RBFOX1: variants seen among roughly 807,000 people sequenced by gnomAD.
RBFOX1 encodes RNA binding protein fox-1 homolog 1.
Under a neutral mutation model 57.7 loss-of-function variants are expected in RBFOX1, and 8 were observed. That is an observed-to-expected ratio of 0.14 (90% CI 0.08 to 0.25). The LOEUF is 0.25. Among genes scored for constraint, RBFOX1 ranks in the 10% least tolerant of loss-of-function variants. The probability of loss-of-function intolerance (pLI) is 1.00; values close to 1 mark genes in which losing one functional copy is unlikely to be tolerated. For synonymous variants in RBFOX1, 326 were observed against 222.4 expected (o/e 1.47, Z -4.15); for missense variants, 611 against 548.5 (o/e 1.11, Z -1.14).
At chr16:5,873,276 C>A (rs2057522871) in intron 4 of RBFOX1, among the ~76,000 whole-genome samples, 1 of 152,190 alleles carries the variant, frequency 6.6e-6, no homozygotes, top group Non-Finnish European at 1.5e-5. Context: ...ATGGCTGTAT[C>A]CTGCCCTAAC....
chr16:7,288,490 A>T (rs1391380932), intron 4 of RBFOX1, among the ~76,000 whole-genome samples: 1 of 152,216 alleles, frequency 6.6e-6, no homozygotes, highest in East Asian at 1.9e-4. Flanking sequence ...TAAGATAATG[A>T]ATGTAAAACC....
At chr16:6,921,643 A>AT (rs1485522876) in intron 3 of RBFOX1, among the ~76,000 whole-genome samples, 2,265 of 34,422 alleles carry the variant, frequency 0.066, 60 homozygotes, top group African/African-American at 0.18. Context: ...ATATATATAT[A>AT]TATTTTTTTT....
intron 3 of RBFOX1, among the ~76,000 whole-genome samples, chr16:6,987,952 A>G (rs1488270727): frequency 2.0e-5 from 3 of 152,052 alleles, no homozygotes; most frequent in African/African-American, 7.2e-5. Flanking sequence ...TGAGTTTACT[A>G]AGTGCCAGCT....
intron 1 of RBFOX1, among the ~76,000 whole-genome samples, chr16:6,200,936 C>G (rs1032299296): frequency 4.6e-5 from 4 of 87,846 alleles, no homozygotes; most frequent in Non-Finnish European, 9.2e-5. Flanking sequence ...TCGGTGTTAA[C>G]TTAGTGAGGT....
chr16:5,981,353 T>C (rs1276569966), intron 4 of RBFOX1, among the ~76,000 whole-genome samples: 2 of 152,214 alleles, frequency 1.3e-5, no homozygotes, highest in East Asian at 1.9e-4. Flanking sequence ...TCTGGGGTGA[T>C]GCTCTGGAAT....
At chr16:7,001,450 A>ATATGTATATGTG (rs2092796466) in intron 3 of RBFOX1, among the ~76,000 whole-genome samples, 5 of 144,176 alleles carry the variant, frequency 3.5e-5, no homozygotes, top group African/African-American at 1.1e-4. Context: ...ATGTATATGT[A>ATATGTATATGTG]TATGTATACG....
At chr16:7,295,127 G>T (rs2095864842) in intron 4 of RBFOX1, among the ~76,000 whole-genome samples, 1 of 152,204 alleles carries the variant, frequency 6.6e-6, no homozygotes, top group Admixed American at 6.5e-5. Context: ...AGTTGGTGAA[G>T]ATTTTAGTTG....
In RBFOX1 at chr16:5,500,216, C is replaced by CGTTCT. The variant is rs1567166498; in HGVS notation, c.258+32966_258+32967insTGTTC. 5.8e-3 allele frequency among the ~76,000 whole-genome samples: 839 copies of CGTTCT among 145,524 alleles called. 10 individuals are homozygous for CGTTCT. The highest frequency in any genetic ancestry group is 0.02 in the African/African-American group (785 of 40,248). Reference sequence around the variant, plus strand: ...CCCTTCATTCCATTCCATTGCATTCCGTTCCGTTCCGTTCCATTCCATTCC... The same window carrying CGTTCT: ...CCCTTCATTCCATTCCATTGCATTCCGTTCTGTTCCGTTCCGTTCCATTCCATTCC... On this transcript the variant is annotated intron_variant, in intron 2 of 2. Transcript: ENST00000585867.
intron 3 of RBFOX1, among the ~76,000 whole-genome samples, chr16:6,939,766 C>T (rs2078031620): frequency 1.3e-5 from 2 of 152,016 alleles, no homozygotes; most frequent in African/African-American, 4.8e-5. Flanking sequence ...CCTGCCTTGG[C>T]CTACCATAGT....
At chr16:7,560,748 G>T (rs536374344) in intron 5 of RBFOX1, among the ~76,000 whole-genome samples, 89 of 152,192 alleles carry the variant, frequency 5.8e-4, no homozygotes, top group African/African-American at 2.1e-3. Context: ...AGCCACAAAT[G>T]ACATAATTAG....
intron 3 of RBFOX1, among the ~76,000 whole-genome samples, chr16:6,663,819 G>A (rs916153821): frequency 1.3e-5 from 2 of 152,232 alleles, no homozygotes; most frequent in South Asian, 4.1e-4. Flanking sequence ...GGGGTGGAGA[G>A]CATCCTGGGC....
rs528035454 is a variant in RBFOX1 at position 5,840,516 on chromosome 16, A to C, written c.319-26787A>C. Among the ~76,000 whole-genome samples the C allele has an allele frequency of 1.7e-4, 26 of 152,314 alleles. No homozygotes were observed. The South Asian group carries it at 5.0e-3, about 29-fold the overall frequency. ...ACCTCTCCTGTGCCTTCAGAACACC[A>C]GGAACACAGCTCCCCCACTGCCATC... On this transcript the variant is annotated intron_variant, in intron 3 of 19. Coordinates refer to the RBFOX1 transcript ENST00000641259.
intron 14 of RBFOX1, among the ~76,000 whole-genome samples, chr16:7,708,721 G>GA (rs1312174060): frequency 5.9e-5 from 9 of 152,166 alleles, no homozygotes; most frequent in South Asian, 2.1e-4. Context: ...CTTAATACTT[G>GA]AAGTTGTTTC....
chr16:6,928,850 A>AACC (rs2076060671), intron 3 of RBFOX1, among the ~76,000 whole-genome samples: 1 of 152,150 alleles, frequency 6.6e-6, no homozygotes, highest in African/African-American at 2.4e-5. Context: ...AGCCAGTTAA[A>AACC]ACCACCACCA....
chr16:7,304,383 C>G, intron 4 of RBFOX1: 6 of 985,378 alleles, frequency 6.1e-6, no homozygotes, highest in Non-Finnish European at 6.0e-6. Context: ...GCCAGAGAGA[C>G]ATGATGCAGC....
intron 3 of RBFOX1, among the ~76,000 whole-genome samples, chr16:6,983,919 A>G (rs978598779): frequency 6.6e-6 from 1 of 152,150 alleles, no homozygotes; most frequent in Non-Finnish European, 1.5e-5. Flanking sequence ...GTAATGTGTC[A>G]TAAGAGCACA....
intron 3 of RBFOX1, among the ~76,000 whole-genome samples, chr16:5,698,207 T>C (rs1445226496): frequency 1.3e-5 from 2 of 152,208 alleles, no homozygotes; most frequent in African/African-American, 4.8e-5. Context: ...CTTCTTACAC[T>C]GTTCTTGTTT....
chr16:6,625,222 C>T lies in RBFOX1; in HGVS notation c.-63-29381C>T, dbSNP rs1468163233. ...GGATAGTGGGGGAGTGGCACACCCC[C>T]AAAACAATTTCACAAACAATTATTT... On this transcript the variant is annotated intron_variant, in intron 2 of 15. Coordinates refer to ENST00000550418, the MANE Select transcript of RBFOX1 (RefSeq NM_018723.4). 2.0e-5 allele frequency among the ~76,000 whole-genome samples: 3 copies of T among 147,036 alleles called. No individual in the cohort carries two copies. In the East Asian group the frequency reaches 6.0e-4, roughly 29 times the overall value.
intron 1 of RBFOX1, among the ~76,000 whole-genome samples, chr16:5,374,929 T>G (rs1040991426): frequency 6.6e-6 from 1 of 151,908 alleles, no homozygotes; most frequent in Non-Finnish European, 1.5e-5. Flanking sequence ...CTTAATGTGT[T>G]TACTATCCAG....
Sources: gnomAD v4.1 joint callset for allele counts (sites outside exome capture counted in the v4.1 genomes callset) on GRCh38, gnomAD v4.1.1 for gene constraint, MANE v1.5 for transcripts, NCBI Gene and HGNC (gene_info 2026-07-23, HGNC 2026-07-21) for gene names.